CDH19: variants seen among roughly 807,000 people sequenced by gnomAD.
The protein encoded by CDH19 is cadherin 19.
In CDH19, 67 loss-of-function variants were observed where a neutral mutation model predicts 64.2. That is an observed-to-expected ratio of 1.04 (90% confidence interval 0.86 to 1.28). CDH19 has a LOEUF of 1.28. Among genes scored for constraint, CDH19 ranks in the 50% most tolerant of loss-of-function variants. The pLI is 0.00. For missense variants in CDH19, 1,030 were observed against 929.0 expected, an observed-to-expected ratio of 1.11 and a Z score of -1.41; for synonymous variants, 346 against 319.3, an observed-to-expected ratio of 1.08 and a Z score of -0.89.
chr18:66,508,991 C>T lies in CDH19; in HGVS notation c.1828+4G>A. 1 of 1,603,398 alleles carries T rather than the reference C, an allele frequency of 6.2e-7. No homozygotes were observed. Among genetic ancestry groups the T allele is most frequent in the Non-Finnish European group, 8.5e-7 (1 of 1,171,296 alleles). ...TGAGAATAGCAATGATGACTTCTACCTACCAAATATGATCATAATGCAAAT... is the reference window on the plus strand; with the variant it reads ...TGAGAATAGCAATGATGACTTCTACTTACCAAATATGATCATAATGCAAAT... On this transcript the variant is annotated splice_donor_region_variant and intron_variant, in intron 11 of 11. Coordinates refer to ENST00000262150, the MANE Select transcript of CDH19 (RefSeq NM_021153.4).
In CDH19 at chr18:66,588,605, C is replaced by CATATATAT. The variant is rs1263242803; in HGVS notation, c.-113+15341_-113+15348dup. ...AATGATCTTACTCATTTTTACTAAT[C>CATATATAT]ATATATATCTATATCTATATCTATA... On this transcript the variant is annotated intron_variant, in intron 1 of 11. Coordinates refer to ENST00000262150, the MANE Select transcript of CDH19 (RefSeq NM_021153.4). 3.1e-3 allele frequency among the ~76,000 whole-genome samples: 358 copies of CATATATAT among 116,572 alleles called. 37 individuals carry two copies. Among genetic ancestry groups the CATATATAT allele is most frequent in the Middle Eastern group, 0.018 (4 of 218 alleles). The allele number at this position is 116,572 out of a possible 152,430, so 76.5% of individuals were successfully genotyped here.
chr18:66,517,987 T>C (rs1319396273), intron 9 of CDH19, among the ~76,000 whole-genome samples: 1 of 151,960 alleles, frequency 6.6e-6, no homozygotes, highest in Non-Finnish European at 1.5e-5. Flanking sequence ...GACTTTATTT[T>C]ATATGTACTT....
chr18:66,592,501 C>T (rs4387691), intron 1 of CDH19, among the ~76,000 whole-genome samples: 87,791 of 151,568 alleles, frequency 0.58, 25,385 homozygotes, highest in Admixed American at 0.6. Flanking sequence ...CTAGCCATAA[C>T]TTTATATCTA....
At chr18:66,527,903 C>T (rs1986286964) in intron 9 of CDH19, among the ~76,000 whole-genome samples, 1 of 151,634 alleles carries the variant, frequency 6.6e-6, no homozygotes, top group South Asian at 2.1e-4. Flanking sequence ...TAAATACATT[C>T]ATATGTACAC....
chr18:66,591,630 T>TA (rs1342876488), intron 1 of CDH19, among the ~76,000 whole-genome samples: 1 of 151,888 alleles, frequency 6.6e-6, no homozygotes, highest in Non-Finnish European at 1.5e-5. Context: ...TTAAAATTCT[T>TA]ACCTTATATT....
Position 66,515,146 on chromosome 18 carries a change from A to T in CDH19, c.1459-3461T>A, listed in dbSNP as rs190982329. ...TCTCAATAGAAAAATGTTAAACAAA[A>T]AGTTGGAGTTGTAATAAATGAATAT... is the stretch of plus-strand genomic sequence containing the variant. On this transcript the variant is annotated intron_variant, in intron 9 of 11. Coordinates refer to ENST00000262150, the MANE Select transcript of CDH19 (RefSeq NM_021153.4). Among the ~76,000 whole-genome samples, 879 of 151,818 alleles carry T rather than the reference A, an allele frequency of 5.8e-3. 7 individuals carry two copies. The highest frequency in any genetic ancestry group is 0.01 in the Middle Eastern group (3 of 294).
chr18:66,603,305 CTAATTTATACTTTTCT>C (rs1278619175), intron 1 of CDH19, among the ~76,000 whole-genome samples: 1 of 150,650 alleles, frequency 6.6e-6, no homozygotes, highest in Non-Finnish European at 1.5e-5. Context: ...ATGCATTTTC[CTAATTTATACTTTTCT>C]TAATTTATAC....
chr18:66,568,785 A>T, intron 2 of CDH19, 75 bp from the exon 3 acceptor site: 1 of 1,198,464 alleles, frequency 8.3e-7, no homozygotes, highest in South Asian at 1.5e-5. Flanking sequence ...TTTTCTTTTT[A>T]TGTATGTTAA....
chr18:66,532,704 C>T (rs1293478749), intron 8 of CDH19: 1 of 450,206 alleles, frequency 2.2e-6, no homozygotes, highest in Admixed American at 2.4e-5. Context: ...AATACAGCAT[C>T]CCTATATCCT....
rs752725413 is a variant in CDH19, at chr18:66,504,960, T to A, written c.2171A>T (p.Glu724Val). The A allele has an allele frequency of 6.2e-7, 1 of 1,613,492 alleles. No homozygotes were observed. The highest frequency in any genetic ancestry group is 8.5e-7 in the Non-Finnish European group (1 of 1,179,734). Reference protein sequence around the residue: ...PFDSLQTYAFEGTGSLAGSLS... With the variant: ...PFDSLQTYAFVGTGSLAGSLS... Reference sequence around the variant, plus strand: ...GGATCCAGCTAATGACCCTGTTCCCTCAAAAGCGTAGGTCTGGAGGGAATC... The same window carrying A: ...GGATCCAGCTAATGACCCTGTTCCCACAAAAGCGTAGGTCTGGAGGGAATC... The change falls in exon 12 of 12, where the codon GAG (glutamate) becomes GTG (valine). Residue 724 changes from glutamate (E) to valine (V), a missense_variant. Coordinates refer to ENST00000262150, the MANE Select transcript of CDH19 (RefSeq NM_021153.4).
At chr18:66,602,807 C>A (rs1989070195) in intron 1 of CDH19, among the ~76,000 whole-genome samples, 1 of 151,358 alleles carries the variant, frequency 6.6e-6, no homozygotes, top group Non-Finnish European at 1.5e-5. Context: ...AATGCTTATT[C>A]CTTTTAAAAA....
chr18:66,511,336 TGA>T (rs771709412), intron 10 of CDH19, among the ~76,000 whole-genome samples: 17,786 of 151,778 alleles, frequency 0.12, 1,352 homozygotes, highest in Admixed American at 0.16. Context: ...TTACAGCCAT[TGA>T]TAACTTTAAA....
Position 66,543,985 on chromosome 18 carries a change from C to T in CDH19, c.1200G>A (p.Arg400=), listed in dbSNP as rs754109493. 2.5e-6 allele frequency: 4 copies of T among 1,611,924 alleles called. No homozygotes were observed. The African/African-American group carries it at 5.4e-5, about 22-fold the overall frequency. Residue 400 remains arginine, a synonymous_variant, in exon 7 of 12, where the codon AGG becomes AGA. Coordinates refer to ENST00000262150, the MANE Select transcript of CDH19 (RefSeq NM_021153.4). The part of the protein sequence containing the change: ...GVVSATDPDN[R]KSPIRYSITR... Reference sequence around the variant, plus strand: ...TACAGACATACCTGATAGGAGATTTCCTATTGTCTGGGTCTGTGGCAGACA... The same window carrying T: ...TACAGACATACCTGATAGGAGATTTTCTATTGTCTGGGTCTGTGGCAGACA...
intron 1 of CDH19, among the ~76,000 whole-genome samples, chr18:66,600,583 TAAATTA>T (rs1158605461): frequency 6.6e-6 from 1 of 151,932 alleles, no homozygotes; most frequent in African/African-American, 2.4e-5. Context: ...AAAAATACTT[TAAATTA>T]AATTTCATGT....
chr18:66,511,942 G>T (rs1423346811), intron 9 of CDH19, among the ~76,000 whole-genome samples: 1 of 151,502 alleles, frequency 6.6e-6, no homozygotes. Context: ...GATTCCAAAA[G>T]CTGTTTGTTG....
intron 4 of CDH19, 65 bp downstream of exon 4, chr18:66,554,340 A>T (rs1987439981): frequency 6.5e-7 from 1 of 1,544,922 alleles, no homozygotes; most frequent in Non-Finnish European, 8.9e-7. Context: ...CTAAGCAGAT[A>T]ATTTTTGCTG....
rs1253509547 is a variant in CDH19, at chr18:66,504,974, C to G, written c.2157G>C (p.Gln719His). 1 of 1,613,524 alleles carries G rather than the reference C, an allele frequency of 6.2e-7. No individual in the cohort carries two copies. Among genetic ancestry groups the G allele is most frequent in the Non-Finnish European group, 8.5e-7 (1 of 1,179,718 alleles). Residue 719 changes from glutamine (Q) to histidine (H), a missense_variant, in exon 12 of 12, where the codon CAG becomes CAC. By Grantham distance (24) the Gln-to-His change is conservative. Transcript: ENST00000262150. ...ACCCTGTTCCCTCAAAAGCGTAGGT[C>G]TGGAGGGAATCAAAAGGAGGGGCAC... Reference protein sequence around the residue: ...DPCAPPFDSLQTYAFEGTGSL... With the variant: ...DPCAPPFDSLHTYAFEGTGSL...
chr18:66,546,781 T>C (rs1398337699), intron 5 of CDH19, among the ~76,000 whole-genome samples: 1 of 152,084 alleles, frequency 6.6e-6, no homozygotes, highest in Non-Finnish European at 1.5e-5. Flanking sequence ...AAAATGAGTA[T>C]CTGGGGAAAT....
Position 66,514,040 on chromosome 18 carries a change from T to A in CDH19, c.1459-2355A>T, listed in dbSNP as rs139294781. ...GGGCCAGGATCTGTTCTATACATTA[T>A]CTTAGATAATCTTCACAATGGTCTC... On this transcript the variant is annotated intron_variant, in intron 9 of 11. Coordinates refer to ENST00000262150, the MANE Select transcript of CDH19 (RefSeq NM_021153.4). Among the ~76,000 whole-genome samples, 791 of 151,564 alleles carry A rather than the reference T, an allele frequency of 5.2e-3. 6 individuals carry two copies. The highest frequency in any genetic ancestry group is 0.018 in the African/African-American group (760 of 41,510).
Sources: allele counts gnomAD v4.1 joint callset (sites outside exome capture counted in the v4.1 genomes callset), GRCh38; gene constraint gnomAD v4.1.1; transcripts MANE v1.5; gene names NCBI Gene and HGNC (gene_info 2026-07-23, HGNC 2026-07-21).